The following LHFPL6 variants were observed in gnomAD, a reference collection of about 807,000 sequenced individuals.
LHFPL6 encodes the protein LHFPL tetraspan subfamily member 6 protein.
In LHFPL6, 9 loss-of-function variants were observed where a neutral mutation model predicts 20.6. That is an observed-to-expected ratio of 0.44 (90% CI 0.26 to 0.76). The LOEUF (loss-of-function observed/expected upper bound fraction) is 0.76, where lower values mean the gene tolerates loss of function less well. LHFPL6 is among the 30% of genes least tolerant of loss of function. The pLI, the probability that LHFPL6 is intolerant of heterozygous loss-of-function variation, is 0.20. For missense variants in LHFPL6, 218 were observed against 253.5 expected (o/e 0.86, Z 0.95); for synonymous variants, 105 against 98.7 (o/e 1.06, Z -0.38).
At chr13:39,451,781 T>C (rs1262899967) in intron 2 of LHFPL6, among the ~76,000 whole-genome samples, 4 of 152,240 alleles carry the variant, frequency 2.6e-5, no homozygotes, top group Non-Finnish European at 5.9e-5. Flanking sequence ...TAAAGCATTA[T>C]CAAGTTACAC....
chr13:39,352,583 A>G lies in LHFPL6; in HGVS notation c.485-8529T>C, dbSNP rs114845724. ...CCCATTTCTCTTTCCCCACAAAGTC[A>G]CTGCTGAGCACCCATAATGCCTTGT... On this transcript the variant is annotated intron_variant, in intron 3 of 3. Transcript: ENST00000379589. 9.2e-3 allele frequency among the ~76,000 whole-genome samples: 1,407 copies of G among 152,170 alleles called. 29 individuals carry two copies. Among genetic ancestry groups the G allele is most frequent in the African/African-American group, 0.031 (1,286 of 41,508 alleles).
At chr13:39,472,558 C>T (rs752646454) in intron 2 of LHFPL6, among the ~76,000 whole-genome samples, 143 of 151,984 alleles carry the variant, frequency 9.4e-4, no homozygotes, top group Non-Finnish European at 1.4e-3. Flanking sequence ...CAGGGACTTT[C>T]CCTCTTAATG....
chr13:39,562,835 C>G (rs1871584694), intron 2 of LHFPL6, among the ~76,000 whole-genome samples: 1 of 151,806 alleles, frequency 6.6e-6, no homozygotes, highest in Admixed American at 6.6e-5. Context: ...ACCAGAGCGC[C>G]ATTCAGTTTT....
chr13:39,501,388 AT>A (rs986555438), intron 2 of LHFPL6, among the ~76,000 whole-genome samples: 6 of 151,694 alleles, frequency 4.0e-5, no homozygotes, highest in South Asian at 2.1e-4. Context: ...ACAGCCCAGA[AT>A]TTTTTTTTAC....
At chr13:39,595,488 T>A (rs1047835563) in intron 2 of LHFPL6, among the ~76,000 whole-genome samples, 2 of 152,194 alleles carry the variant, frequency 1.3e-5, no homozygotes, top group Non-Finnish European at 2.9e-5. Context: ...AGCCAGGGTT[T>A]TGTCATGTTG....
intron 2 of LHFPL6, among the ~76,000 whole-genome samples, chr13:39,564,633 G>C (rs1001549817): frequency 6.6e-6 from 1 of 152,202 alleles, no homozygotes; most frequent in African/African-American, 2.4e-5. Context: ...TACCATTTTG[G>C]TTGCCTTTGG....
intron 2 of LHFPL6, among the ~76,000 whole-genome samples, chr13:39,403,274 C>T (rs559185348): frequency 1.1e-4 from 17 of 152,296 alleles, no homozygotes; most frequent in Admixed American, 5.2e-4. Context: ...TCCATTTCCT[C>T]CTTATTTCCT....
In LHFPL6 at chr13:39,600,883, G is replaced by A. The variant is rs1056679194; in HGVS notation, c.334C>T (p.Leu112Phe). 1.1e-5 allele frequency: 17 copies of A among 1,545,256 alleles called. No individual in the cohort carries two copies. The highest frequency in any genetic ancestry group is 5.8e-5 in the Admixed American group (3 of 51,848). Residue 112 changes from leucine (L) to phenylalanine (F), a missense_variant, in exon 2 of 4, where the codon CTC becomes TTC. Physicochemically the swap from Leu to Phe is conservative, Grantham distance 22 (BLOSUM62 0). Coordinates refer to ENST00000379589, the MANE Select transcript of LHFPL6 (RefSeq NM_005780.3). ...TALMGCCVSD[L>F]ISRTVGRVAG... ...ACTCTTCCCACTGTCCTGGAGATGA[G>A]GTCGGAAACACAGCAACCCATGAGG...
intron 2 of LHFPL6, among the ~76,000 whole-genome samples, chr13:39,430,034 C>T (rs188651575): frequency 8.5e-5 from 13 of 152,302 alleles, no homozygotes; most frequent in African/African-American, 2.4e-4. Flanking sequence ...TTAATAATGC[C>T]GTAGGGCTCA....
At chr13:39,545,915 CAAAT>C (rs1387623374) in intron 2 of LHFPL6, among the ~76,000 whole-genome samples, 1 of 152,024 alleles carries the variant, frequency 6.6e-6, no homozygotes, top group Non-Finnish European at 1.5e-5. Flanking sequence ...TGCAAACAAA[CAAAT>C]GAATTAATTA....
At chr13:39,389,036 A>C (rs931864867) in intron 2 of LHFPL6, among the ~76,000 whole-genome samples, 3 of 152,228 alleles carry the variant, frequency 2.0e-5, no homozygotes, top group African/African-American at 7.2e-5. Context: ...CAAGCCGTGC[A>C]TAGACAGAGT....
intron 2 of LHFPL6, among the ~76,000 whole-genome samples, chr13:39,530,636 T>G (rs1165334827): frequency 6.6e-6 from 1 of 152,150 alleles, no homozygotes; most frequent in African/African-American, 2.4e-5. Context: ...TGGATGAACC[T>G]CAGAATAAAA....
chr13:39,345,511 T>TA, intron 3 of LHFPL6, among the ~76,000 whole-genome samples: 1 of 3,602 alleles, frequency 2.8e-4, no homozygotes, highest in Non-Finnish European at 6.7e-4. Context: ...AGACTCCATC[T>TA]CAAAAAAAAA....
At chr13:39,423,132 C>T (rs1037153668) in intron 2 of LHFPL6, among the ~76,000 whole-genome samples, 1 of 152,096 alleles carries the variant, frequency 6.6e-6, no homozygotes, top group African/African-American at 2.4e-5. Flanking sequence ...CACAGCCAAA[C>T]CACATCACCA....
chr13:39,348,336 G>A (rs1288566236), intron 3 of LHFPL6, among the ~76,000 whole-genome samples: 1 of 152,182 alleles, frequency 6.6e-6, no homozygotes, highest in East Asian at 1.9e-4. Context: ...GCATTACTCT[G>A]TCCCAGCTCT....
intron 2 of LHFPL6, among the ~76,000 whole-genome samples, chr13:39,468,377 T>A (rs1872857061): frequency 6.6e-6 from 1 of 152,180 alleles, no homozygotes; most frequent in Non-Finnish European, 1.5e-5. Flanking sequence ...CTTTAATCAT[T>A]TGATCCCAAA....
chr13:39,437,380 G>A (rs1220658192), intron 2 of LHFPL6, among the ~76,000 whole-genome samples: 2 of 152,126 alleles, frequency 1.3e-5, no homozygotes, highest in Non-Finnish European at 2.9e-5. Flanking sequence ...GTTCTCATGA[G>A]ATCTGGTTGT....
chr13:39,427,672 A>T (rs951699406), intron 2 of LHFPL6, among the ~76,000 whole-genome samples: 1 of 152,202 alleles, frequency 6.6e-6, no homozygotes, highest in Non-Finnish European at 1.5e-5. Context: ...ATTATTGGAT[A>T]TGACTTGCTA....
intron 2 of LHFPL6, among the ~76,000 whole-genome samples, chr13:39,396,455 A>C: frequency 6.6e-6 from 1 of 152,150 alleles, no homozygotes; most frequent in Non-Finnish European, 1.5e-5. Context: ...ATGAGATCAT[A>C]CTGGAGTAGG....
Sources: allele counts gnomAD v4.1 joint callset (sites outside exome capture counted in the v4.1 genomes callset), GRCh38; gene constraint gnomAD v4.1.1; transcripts MANE v1.5; gene names NCBI Gene and HGNC (gene_info 2026-07-23, HGNC 2026-07-21).